PCP4L1: variants seen among roughly 807,000 people sequenced by gnomAD.
The protein encoded by PCP4L1 is Purkinje cell protein 4 like 1, also known as Purkinje cell protein 4-like protein 1.
PCP4L1 carries 9 observed loss-of-function variants against 9.6 expected under a neutral mutation model. The ratio of observed to expected loss-of-function variants is 0.94; its 90% CI spans 0.57 to 1.64. The LOEUF (loss-of-function observed/expected upper bound fraction) is 1.64. Among genes scored for constraint, PCP4L1 ranks in the 40% most tolerant of loss-of-function variants. PCP4L1 has a pLI of 0.00. For synonymous variants in PCP4L1, 31 were observed against 28.2 expected (o/e 1.10, Z -0.31); for missense variants, 81 against 80.8 (o/e 1.00, Z -0.01).
chr1:161,268,369 A>G (rs1305828187), intron 1 of PCP4L1, among the ~76,000 whole-genome samples: 2 of 152,162 alleles, frequency 1.3e-5, no homozygotes, highest in Non-Finnish European at 1.5e-5. Flanking sequence ...ACTTAGAGAA[A>G]AACTACTCTG....
chr1:161,269,685 GTAGAGCCTTT>G (rs1455756401), intron 1 of PCP4L1, among the ~76,000 whole-genome samples: 2 of 152,150 alleles, frequency 1.3e-5, no homozygotes, highest in Non-Finnish European at 2.9e-5. Flanking sequence ...GCTGAACAAT[GTAGAGCCTTT>G]TAGGCCGTAT....
At chr1:161,269,617 C>T (rs907617515) in intron 1 of PCP4L1, among the ~76,000 whole-genome samples, 1 of 152,032 alleles carries the variant, frequency 6.6e-6, no homozygotes, top group African/African-American at 2.4e-5. Context: ...ATGCCAAGGT[C>T]CTGAGGTGGG....
chr1:161,265,854 C>T (rs1242125512), intron 1 of PCP4L1, among the ~76,000 whole-genome samples: 4 of 150,744 alleles, frequency 2.7e-5, no homozygotes, highest in African/African-American at 9.8e-5. Flanking sequence ...TCTCCTGCCT[C>T]AGCCTCCCAA....
intron 1 of PCP4L1, among the ~76,000 whole-genome samples, chr1:161,278,391 CT>C (rs1340409216): frequency 2.6e-5 from 4 of 151,832 alleles, no homozygotes; most frequent in Non-Finnish European, 5.9e-5. Flanking sequence ...CCTCTATTTT[CT>C]TTCTTTCTTT....
At position 161,284,477 on chromosome 1, in the gene PCP4L1, C is replaced by T. The variant is rs1351642210; in HGVS notation, c.203C>T (p.Ser68Phe). ...RFQKRKKDPS[S>F] ...CAGAAAAGGAAAAAGGATCCCAGCT[C>T]CTGAATGGCCAGGCTTGCCCTTCAC... Residue 68 changes from serine (S) to phenylalanine (F), a missense_variant, in exon 3 of 3, where the codon TCC becomes TTC. Ser to Phe is a radical substitution (Grantham distance 155). Transcript: ENST00000504449. 2 of 1,612,592 alleles carry T rather than the reference C, an allele frequency of 1.2e-6. No individual in the cohort carries two copies. The highest frequency in any genetic ancestry group is 1.1e-5 in the South Asian group (1 of 90,850).
At chr1:161,274,588 T>G (rs1669671229) in intron 1 of PCP4L1, among the ~76,000 whole-genome samples, 1 of 152,212 alleles carries the variant, frequency 6.6e-6, no homozygotes, top group African/African-American at 2.4e-5. Flanking sequence ...TCTGATGGCT[T>G]GCAGATGCGT....
intron 1 of PCP4L1, among the ~76,000 whole-genome samples, chr1:161,283,293 T>C (rs1669854259): frequency 6.6e-6 from 1 of 152,252 alleles, no homozygotes; most frequent in South Asian, 2.1e-4. Flanking sequence ...GACTACTCTA[T>C]GTAAAACTGT....
At chr1:161,262,089 T>C (rs1360289472) in intron 1 of PCP4L1, among the ~76,000 whole-genome samples, 1 of 152,156 alleles carries the variant, frequency 6.6e-6, no homozygotes, top group Non-Finnish European at 1.5e-5. Flanking sequence ...ACTTTTATTA[T>C]GGTTATATTG....
chr1:161,270,581 G>A (rs371563814), intron 1 of PCP4L1, among the ~76,000 whole-genome samples: 6,669 of 45,506 alleles, frequency 0.15, 250 homozygotes, highest in Non-Finnish European at 0.17. Context: ...AAAAAAAAAA[G>A]AGAGACCCCA....
chr1:161,270,152 C>G (rs1669598728), intron 1 of PCP4L1, among the ~76,000 whole-genome samples: 1 of 151,944 alleles, frequency 6.6e-6, no homozygotes, highest in South Asian at 2.1e-4. Context: ...CAAAAATTAG[C>G]TGGGCATGGT....
Position 161,266,180 on chromosome 1 carries a change from A to AC in PCP4L1, c.9+7201dup, listed in dbSNP as rs200688510. 8.0e-4 allele frequency among the ~76,000 whole-genome samples: 121 copies of AC among 152,018 alleles called. 1 individual carries two copies. The highest frequency in any genetic ancestry group is 7.7e-3 in the East Asian group (40 of 5,168). On this transcript the variant is annotated intron_variant, in intron 1 of 2. Coordinates refer to ENST00000504449, the MANE Select transcript of PCP4L1 (RefSeq NM_001102566.2). ...GCTTATTCCCGAAGCCATGCCCAGT[A>AC]CCCCACCCAGGGAAAAGGGGTACAT...
intron 1 of PCP4L1, among the ~76,000 whole-genome samples, chr1:161,266,355 A>G (rs890587257): frequency 6.6e-6 from 1 of 152,214 alleles, no homozygotes; most frequent in African/African-American, 2.4e-5. Context: ...ATAGTAATAA[A>G]TGATGCTTTG....
intron 1 of PCP4L1, among the ~76,000 whole-genome samples, chr1:161,259,765 A>G (rs1203261320): frequency 8.5e-5 from 13 of 152,228 alleles, no homozygotes; most frequent in Admixed American, 8.5e-4. Flanking sequence ...AGAAACAAGG[A>G]TCAGCCTTTC....
At chr1:161,279,666 C>A (rs1486337385) in intron 1 of PCP4L1, among the ~76,000 whole-genome samples, 1 of 152,148 alleles carries the variant, frequency 6.6e-6, no homozygotes, top group Non-Finnish European at 1.5e-5. Flanking sequence ...TGAAAGCACC[C>A]AGTTTTTGTA....
intron 1 of PCP4L1, among the ~76,000 whole-genome samples, chr1:161,263,338 T>C (rs1571790264): frequency 1.3e-5 from 2 of 152,212 alleles, no homozygotes; most frequent in East Asian, 3.9e-4. Context: ...CCGGGGTTCA[T>C]GCAATTCTCC....
intron 1 of PCP4L1, among the ~76,000 whole-genome samples, chr1:161,280,109 C>G (rs1191480955): frequency 6.6e-6 from 1 of 152,226 alleles, no homozygotes; most frequent in African/African-American, 2.4e-5. Flanking sequence ...TCCATTTACT[C>G]TCCTACTTGC....
chr1:161,274,668 G>A (rs1238683273), intron 1 of PCP4L1, among the ~76,000 whole-genome samples: 2 of 152,208 alleles, frequency 1.3e-5, no homozygotes, highest in Non-Finnish European at 1.5e-5. Flanking sequence ...TTGAGGCAGA[G>A]ACCAGAGACT....
intron 1 of PCP4L1, among the ~76,000 whole-genome samples, chr1:161,269,435 C>A (rs1421859117): frequency 6.6e-6 from 1 of 152,074 alleles, no homozygotes; most frequent in Non-Finnish European, 1.5e-5. Context: ...AGAATGGAGG[C>A]CTTCAACTTC....
At position 161,284,814 on chromosome 1, in the gene PCP4L1, A is replaced by G; in HGVS notation, c.*333A>G. On this transcript the variant is annotated 3_prime_UTR_variant, in exon 3 of 3. Coordinates refer to ENST00000504449, the MANE Select transcript of PCP4L1 (RefSeq NM_001102566.2). ...CTCCCCAAAGAACAATGTGGGAAGG[A>G]GGGGAAGGCTTTCAGAGTAGGGTGC... 3.4e-6 allele frequency: 1 copy of G among 292,438 alleles called. No individual in the cohort carries two copies. Among genetic ancestry groups the G allele is most frequent in the Non-Finnish European group, 6.4e-6 (1 of 155,636 alleles). The allele number at this position is 292,438 out of a possible 1,614,324, so 18.1% of individuals were successfully genotyped here.
Sources: allele counts gnomAD v4.1 joint callset (sites outside exome capture counted in the v4.1 genomes callset), GRCh38; gene constraint gnomAD v4.1.1; transcripts MANE v1.5; gene names NCBI Gene and HGNC (gene_info 2026-07-23, HGNC 2026-07-21).